The following MAP7D2 variants were observed in gnomAD, a reference collection of about 807,000 sequenced individuals.
MAP7D2 encodes MAP7 domain containing 2.
A neutral mutation model predicts 63.5 loss-of-function variants in MAP7D2; 33 were observed. The observed-to-expected ratio is 0.52, with a 90% CI of 0.39 to 0.70. The LOEUF (loss-of-function observed/expected upper bound fraction) is 0.70, where lower values mean the gene tolerates loss of function less well. Among genes scored for constraint, MAP7D2 ranks in the 30% least tolerant of loss-of-function variants. The probability of loss-of-function intolerance (pLI) is 0.00; values close to 1 mark genes in which losing one functional copy is unlikely to be tolerated. For missense variants in MAP7D2, 626 were observed against 604.0 expected, an observed-to-expected ratio of 1.04 and a Z score of -0.38; for synonymous variants, 224 against 223.7, an observed-to-expected ratio of 1.00 and a Z score of -0.01.
At position 20,035,892 on chromosome X, in the gene MAP7D2, G is replaced by A. The variant is rs2074211748; in HGVS notation, c.1007+6610C>T. 4.7e-5 allele frequency among the ~76,000 whole-genome samples: 5 copies of A among 105,880 alleles called. No individual in the cohort carries two copies. In the South Asian group the frequency reaches 1.7e-3, roughly 37 times the overall value. 91.9% of individuals were successfully genotyped at this position (105,880 alleles called of 115,157 possible). A position where few individuals can be genotyped will look rare whatever the true frequency, so the allele number is the denominator to read the frequency against. ...TGCACCGTTGCACTCCAGCCTGGGC[G>A]ACAGAGCAAGACTCCGTCTCAAAAA... is the stretch of plus-strand genomic sequence containing the variant. On this transcript the variant is annotated intron_variant, in intron 8 of 16. Coordinates refer to ENST00000379643, the MANE Select transcript of MAP7D2 (RefSeq NM_001168465.2).
chrX:20,012,233 T>A, intron 15 of MAP7D2, 116 bp downstream of exon 15: 1 of 539,079 alleles, frequency 1.9e-6, no homozygotes, highest in African/African-American at 2.3e-5. Flanking sequence ...TTTCCTGTAA[T>A]GTCAATCAAA....
rs762736420 is a variant in MAP7D2 at position 20,063,592 on chromosome X, T to C, written c.209-15A>G. On this transcript the variant is annotated splice_polypyrimidine_tract_variant and intron_variant, in intron 2 of 16. Transcript: ENST00000379643. ...CTCCCGAGCAGCTGGGGAAGGAAAG[T>C]AGAAGAGAGGTGTCATTACCAGAGC... The C allele has an allele frequency of 4.9e-5, 59 of 1,206,133 alleles. No individual in the cohort carries two copies. Among genetic ancestry groups the C allele is most frequent in the Middle Eastern group, 2.3e-4 (1 of 4,345 alleles).
intron 10 of MAP7D2, 78 bp downstream of exon 10, chrX:20,024,873 T>C (rs2073784133): frequency 1.8e-6 from 2 of 1,099,233 alleles, no homozygotes; most frequent in Non-Finnish European, 2.5e-6. Context: ...ATACCAACGC[T>C]GTAAAAAGAA....
intron 1 of MAP7D2, among the ~76,000 whole-genome samples, chrX:20,067,952 T>C (rs2065402542): frequency 8.9e-6 from 1 of 112,220 alleles, no homozygotes; most frequent in African/African-American, 3.2e-5. Context: ...CTCCTCACAC[T>C]AGTGGTTTGA....
At chrX:20,015,386 A>C in intron 11 of MAP7D2, 59 bp from the exon 12 acceptor site, 3 of 971,937 alleles carry the variant, frequency 3.1e-6, no homozygotes, top group Non-Finnish European at 4.4e-6. Flanking sequence ...CAGTGTGGTA[A>C]TTCCCTGGCT....
At chrX:20,085,722 CTTTTTTT>C (rs2065895254) in intron 1 of MAP7D2, among the ~76,000 whole-genome samples, 1 of 111,607 alleles carries the variant, frequency 9.0e-6, no homozygotes, top group African/African-American at 3.3e-5. Context: ...TTTCTTTTTT[CTTTTTTT>C]GTGACAAAGC....
intron 1 of MAP7D2, among the ~76,000 whole-genome samples, chrX:20,088,473 T>G (rs975136316): frequency 3.0e-3 from 78 of 25,834 alleles, no homozygotes; most frequent in African/African-American, 4.4e-3. Flanking sequence ...TTTCAGTTTT[T>G]TTTTTTTTTT....
chrX:20,020,666 C>G (rs193143888), intron 10 of MAP7D2, among the ~76,000 whole-genome samples: 220 of 111,152 alleles, frequency 2.0e-3, no homozygotes, highest in Admixed American at 5.3e-3. Context: ...TCGCATGTGC[C>G]CCCACCTGCC....
At position 20,056,060 on chromosome X, in the gene MAP7D2, G is replaced by C. The variant is rs1569521072; in HGVS notation, c.484+620C>G. On this transcript the variant is annotated intron_variant, in intron 4 of 16. Coordinates refer to ENST00000379643, the MANE Select transcript of MAP7D2 (RefSeq NM_001168465.2). ...ATCCATTTGCTCTCAGATAGAGCTA[G>C]TACACACCTCCTGCATAATAGAATG... Among the ~76,000 whole-genome samples, 4 of 111,904 alleles carry C rather than the reference G, an allele frequency of 3.6e-5. No homozygotes were observed. In the Admixed American group the frequency reaches 3.8e-4, roughly 11 times the overall value.
intron 1 of MAP7D2, among the ~76,000 whole-genome samples, chrX:20,100,255 G>C (rs189837433): frequency 8.9e-6 from 1 of 112,209 alleles, no homozygotes; most frequent in East Asian, 2.8e-4. Context: ...AGGATGCACT[G>C]CCTGGGGTGG....
intron 1 of MAP7D2, among the ~76,000 whole-genome samples, chrX:20,094,494 ATATATATATATATATATATATG>A (rs1569140301): frequency 1.2e-3 from 20 of 17,310 alleles, no homozygotes; most frequent in African/African-American, 3.4e-3. Context: ...ATACATATAT[ATATATATATATATATATATATG>A]TATATATATA....
At position 20,050,925 on chromosome X, in the gene MAP7D2, G is replaced by C. The variant is rs768280539; in HGVS notation, c.617C>G (p.Pro206Arg). ...TCGCGAAACAAGAATGGCTTCCATT[G>C]GACTAAGGTGCATGTGATGAGCTGA... is the stretch of plus-strand genomic sequence containing the variant. The part of the protein sequence containing the change: ...PDRAHHMHLS[P>R]MEAILVSRLL... Residue 206 changes from proline (P) to arginine (R), a missense_variant, in exon 6 of 17, where the codon CCA becomes CGA. Pro to Arg is a moderately radical substitution (Grantham distance 103). Coordinates refer to ENST00000379643, the MANE Select transcript of MAP7D2 (RefSeq NM_001168465.2). 7.7e-6 allele frequency: 9 copies of C among 1,162,849 alleles called. No homozygotes were observed. The Admixed American group carries it at 1.9e-4, about 24-fold the overall frequency.
At chrX:20,055,379 G>A (rs1291967149) in intron 4 of MAP7D2, among the ~76,000 whole-genome samples, 1 of 111,768 alleles carries the variant, frequency 8.9e-6, no homozygotes, top group Non-Finnish European at 1.9e-5. Flanking sequence ...TACAGGTTTT[G>A]GTAACCAGAA....
chrX:20,052,781 A>G, intron 5 of MAP7D2, 97 bp downstream of exon 5: 2 of 652,717 alleles, frequency 3.1e-6, no homozygotes, highest in Non-Finnish European at 5.0e-6. Flanking sequence ...CGGTATCTGC[A>G]GAAGGCTCAA....
At chrX:20,035,926 ATGTG>A (rs59706024) in intron 8 of MAP7D2, among the ~76,000 whole-genome samples, 6,693 of 98,051 alleles carry the variant, frequency 0.068, 328 homozygotes, top group African/African-American at 0.17. Context: ...AAAAATATAT[ATGTG>A]TGTGTGTGTG....
At chrX:20,026,016 A>C (rs1712216402) in intron 8 of MAP7D2, 64 bp from the exon 9 acceptor site, 2 of 1,098,838 alleles carry the variant, frequency 1.8e-6, no homozygotes, top group South Asian at 4.1e-5. Context: ...CTCTGTTCCT[A>C]AGACACCTAG....
At chrX:20,112,217 G>T (rs1244796550) in intron 1 of MAP7D2, among the ~76,000 whole-genome samples, 1 of 111,951 alleles carries the variant, frequency 8.9e-6, no homozygotes, top group African/African-American at 3.3e-5. Context: ...AGTCTTTTTA[G>T]GTGGTGAACG....
At chrX:20,047,688 C>T (rs2064836021) in intron 6 of MAP7D2, among the ~76,000 whole-genome samples, 1 of 108,368 alleles carries the variant, frequency 9.2e-6, no homozygotes, top group Non-Finnish European at 1.9e-5. Flanking sequence ...TGGTAGCACA[C>T]ACCTATAGTC....
intron 3 of MAP7D2, among the ~76,000 whole-genome samples, chrX:20,059,107 T>A (rs985260870): frequency 1.8e-5 from 2 of 112,380 alleles, no homozygotes; most frequent in Non-Finnish European, 3.8e-5. Context: ...CTAAGTCTAT[T>A]TGATAATGAC....
Sources: allele counts gnomAD v4.1 joint callset (sites outside exome capture counted in the v4.1 genomes callset), GRCh38; gene constraint gnomAD v4.1.1; transcripts MANE v1.5; gene names NCBI Gene and HGNC (gene_info 2026-07-23, HGNC 2026-07-21).